Variants in BMPR1B observed in about 807,000 individuals in gnomAD.
The protein encoded by BMPR1B is bone morphogenetic protein receptor type-1B.
Under a neutral mutation model 59.1 loss-of-function variants are expected in BMPR1B, and 12 were observed. The observed-to-expected ratio is 0.20, with a 90% confidence interval of 0.13 to 0.33. BMPR1B has a LOEUF of 0.33. BMPR1B is among the 10% of genes least tolerant of loss of function. The pLI, the probability that BMPR1B is intolerant of heterozygous loss-of-function variation, is 1.00. For synonymous variants in BMPR1B, 237 were observed against 207.3 expected, an observed-to-expected ratio of 1.14 and a Z score of -1.23; for missense variants, 550 against 610.9, an observed-to-expected ratio of 0.90 and a Z score of 1.05.
chr4:95,051,879 T>C lies in BMPR1B; in HGVS notation c.-17-52529T>C, dbSNP rs1726531252. The stretch of plus-strand genomic sequence containing the variant: ...AAGTTCAGGCCAGAAGTTCAATGTC[T>C]ATAAAGTTCCATCCCCCATTCTCCA... On this transcript the variant is annotated intron_variant, in intron 3 of 12. Coordinates refer to ENST00000515059, the MANE Select transcript of BMPR1B (RefSeq NM_001203.3). The C allele has an allele frequency of 4.4e-6, 5 of 1,127,252 alleles. No individual in the cohort carries two copies. In the African/African-American group the frequency reaches 6.2e-5, roughly 14 times the overall value. 69.8% of individuals were successfully genotyped at this position (1,127,252 alleles called of 1,614,324 possible). A position where few individuals can be genotyped will look rare whatever the true frequency, so the allele number is the denominator to read the frequency against.
chr4:94,941,618 TAAAA>T (rs1445696815), intron 2 of BMPR1B, among the ~76,000 whole-genome samples: 9 of 152,134 alleles, frequency 5.9e-5, no homozygotes, highest in Admixed American at 2.0e-4. Context: ...GTTGGCAACT[TAAAA>T]GAAAGAAAAT....
intron 2 of BMPR1B, among the ~76,000 whole-genome samples, chr4:94,932,024 T>C (rs969937298): frequency 4.6e-5 from 7 of 152,162 alleles, no homozygotes; most frequent in Admixed American, 3.9e-4. Flanking sequence ...CTAAGGACTT[T>C]CATGCCAGGA....
intron 1 of BMPR1B, among the ~76,000 whole-genome samples, chr4:94,794,407 T>A (rs1723105889): frequency 6.6e-6 from 1 of 151,112 alleles, no homozygotes; most frequent in African/African-American, 2.5e-5. Context: ...TACCATGCTG[T>A]TTTGGTAACT....
intron 1 of BMPR1B, among the ~76,000 whole-genome samples, chr4:94,787,184 G>A (rs1000703857): frequency 6.6e-6 from 1 of 152,104 alleles, no homozygotes; most frequent in Non-Finnish European, 1.5e-5. Flanking sequence ...ACGTACTAAA[G>A]CATCCTTACC....
intron 3 of BMPR1B, among the ~76,000 whole-genome samples, chr4:95,012,287 G>A (rs1360974408): frequency 6.6e-6 from 1 of 152,048 alleles, no homozygotes; most frequent in African/African-American, 2.4e-5. Context: ...AAAATGCAGA[G>A]TTTCATACAA....
At chr4:94,870,398 T>G (rs1726440389) in intron 1 of BMPR1B, among the ~76,000 whole-genome samples, 1 of 152,160 alleles carries the variant, frequency 6.6e-6, no homozygotes, top group Non-Finnish European at 1.5e-5. Context: ...GAGAGAGAGT[T>G]TTACCACTTG....
intron 10 of BMPR1B, among the ~76,000 whole-genome samples, chr4:95,134,201 C>T (rs1431553936): frequency 1.3e-5 from 2 of 152,202 alleles, no homozygotes; most frequent in East Asian, 3.9e-4. Context: ...AGAATATGAA[C>T]TCATCCTTTT....
chr4:94,818,641 T>A (rs1309491871), intron 1 of BMPR1B, among the ~76,000 whole-genome samples: 1 of 152,200 alleles, frequency 6.6e-6, no homozygotes, highest in Non-Finnish European at 1.5e-5. Context: ...TGCTCCTGAA[T>A]TGTAGTCAAG....
Position 95,122,800 on chromosome 4 carries a change from A to G in BMPR1B, c.350-1010A>G, listed in dbSNP as rs189992535. ...AAATATTTAGGTGGCCATATAGTTA[A>G]AGGTATATAGTACAGTTGGAAAACG... On this transcript the variant is annotated intron_variant, in intron 6 of 12. Coordinates refer to ENST00000515059, the MANE Select transcript of BMPR1B (RefSeq NM_001203.3). Among the ~76,000 whole-genome samples, 586 of 152,298 alleles carry G rather than the reference A, an allele frequency of 3.8e-3. 3 individuals carry two copies. Among genetic ancestry groups the G allele is most frequent in the Non-Finnish European group, 6.1e-3 (416 of 68,010 alleles).
At chr4:94,813,964 T>C (rs1165464129) in intron 1 of BMPR1B, among the ~76,000 whole-genome samples, 1 of 152,154 alleles carries the variant, frequency 6.6e-6, no homozygotes, top group African/African-American at 2.4e-5. Context: ...GTTTTGAGCA[T>C]CTTAAGTTGC....
chr4:95,106,596 T>C (rs1217156850), intron 4 of BMPR1B, among the ~76,000 whole-genome samples: 2 of 152,000 alleles, frequency 1.3e-5, no homozygotes, highest in African/African-American at 4.8e-5. Flanking sequence ...AGACTTTTAA[T>C]GAAAGAGGAC....
chr4:94,784,511 T>G (rs1315490383), intron 1 of BMPR1B, among the ~76,000 whole-genome samples: 3 of 152,134 alleles, frequency 2.0e-5, no homozygotes, highest in Non-Finnish European at 2.9e-5. Flanking sequence ...TGTGTAAACT[T>G]TTTAAAATTT....
rs370807978 is a variant in BMPR1B at position 95,130,301 on chromosome 4, C to G, written c.778+247C>G. ...CTCTCAAATATTTTTTCTTCAGAAA[C>G]AGGAAATGCGAGTGTAAAACCAGAA... On this transcript the variant is annotated intron_variant, in intron 9 of 12. Transcript: ENST00000515059. 5.1e-3 allele frequency among the ~76,000 whole-genome samples: 769 copies of G among 152,244 alleles called. 6 individuals are homozygous for G. Among genetic ancestry groups the G allele is most frequent in the African/African-American group, 0.018 (740 of 41,556 alleles).
intron 1 of BMPR1B, among the ~76,000 whole-genome samples, chr4:94,864,016 A>G (rs554998555): frequency 9.3e-4 from 142 of 152,364 alleles, no homozygotes; most frequent in African/African-American, 3.2e-3. Context: ...GAAGATTCCA[A>G]TAGACATGAT....
chr4:94,921,863 T>C (rs1728701821), intron 2 of BMPR1B, among the ~76,000 whole-genome samples: 1 of 152,214 alleles, frequency 6.6e-6, no homozygotes, highest in Non-Finnish European at 1.5e-5. Context: ...AGTCCTTTTT[T>C]TGTAATCTAA....
intron 2 of BMPR1B, among the ~76,000 whole-genome samples, chr4:94,909,333 A>G (rs1004882688): frequency 6.6e-6 from 1 of 152,018 alleles, no homozygotes; most frequent in Non-Finnish European, 1.5e-5. Flanking sequence ...TCTATGCTAA[A>G]TACCCAACAG....
chr4:94,941,284 T>C (rs989242226), intron 2 of BMPR1B, among the ~76,000 whole-genome samples: 2 of 86,066 alleles, frequency 2.3e-5, no homozygotes, highest in African/African-American at 7.7e-5. Flanking sequence ...ACAAAAAAAT[T>C]AGTGGGGCAT....
intron 10 of BMPR1B, among the ~76,000 whole-genome samples, chr4:95,136,207 A>T (rs1733771374): frequency 6.6e-6 from 1 of 152,118 alleles, no homozygotes; most frequent in African/African-American, 2.4e-5. Flanking sequence ...TTTATTGATT[A>T]TGTTCATTGA....
intron 3 of BMPR1B, among the ~76,000 whole-genome samples, chr4:95,080,977 T>G (rs1029974695): frequency 2.6e-5 from 4 of 152,160 alleles, no homozygotes; most frequent in African/African-American, 9.7e-5. Flanking sequence ...CATCTTGAAA[T>G]GTACTTCCCA....
Sources: allele counts gnomAD v4.1 joint callset (sites outside exome capture counted in the v4.1 genomes callset), GRCh38; gene constraint gnomAD v4.1.1; transcripts MANE v1.5; gene names NCBI Gene and HGNC (gene_info 2026-07-23, HGNC 2026-07-21).